Variants in PTPRT observed in about 807,000 individuals in gnomAD.
The protein encoded by PTPRT is receptor-type tyrosine-protein phosphatase T.
Under a neutral mutation model 176.8 loss-of-function variants are expected in PTPRT, and 56 were observed. The ratio of observed to expected loss-of-function variants is 0.32; its 90% CI spans 0.26 to 0.40. PTPRT has a LOEUF of 0.40. Ranked by LOEUF, PTPRT falls within the 10% of genes least tolerant of loss-of-function variation. PTPRT has a pLI of 1.00. For synonymous variants in PTPRT, 783 were observed against 739.0 expected (o/e 1.06, Z -0.96); for missense variants, 1,540 against 1,908.2 (o/e 0.81, Z 3.60).
intron 17 of PTPRT, among the ~76,000 whole-genome samples, chr20:42,160,218 T>C (rs1034090293): frequency 1.3e-5 from 2 of 151,542 alleles, no homozygotes; most frequent in African/African-American, 4.9e-5. Context: ...TCAAAAGATA[T>C]TTTAGGAAAG....
In PTPRT at chr20:42,961,572, G is replaced by A. The variant is rs1018559457; in HGVS notation, c.89-75640C>T. Among the ~76,000 whole-genome samples the A allele has an allele frequency of 2.0e-5, 3 of 152,204 alleles. No individual in the cohort carries two copies. In the East Asian group the frequency reaches 5.8e-4, roughly 29 times the overall value. On this transcript the variant is annotated intron_variant, in intron 1 of 30. Transcript: ENST00000373187. ...ACGCTTCACAGAAATGAGCAAAGAT[G>A]TGGGGTGTGCACTCCTTTAGGGCAG...
Position 42,073,559 on chromosome 20 carries a change from C to T in PTPRT, c.*7320G>A, listed in dbSNP as rs575943923. On this transcript the variant is annotated 3_prime_UTR_variant, in exon 31 of 31. Coordinates refer to ENST00000373187, the MANE Select transcript of PTPRT (RefSeq NM_007050.6). ...CTGGTTCTGGCTGTCACTCATGGCC[C>T]TGTTGGTCAGTGGGTCTGAGTTATG... 1 of 218,232 alleles carries T rather than the reference C, an allele frequency of 4.6e-6. No individual in the cohort carries two copies. The highest frequency in any genetic ancestry group is 6.8e-5 in the East Asian group (1 of 14,758). 13.5% of individuals were successfully genotyped at this position (218,232 alleles called of 1,614,324 possible). A position where few individuals can be genotyped will look rare whatever the true frequency, so the allele number is the denominator to read the frequency against.
At chr20:42,853,892 T>C (rs1042345922) in intron 2 of PTPRT, among the ~76,000 whole-genome samples, 6 of 152,142 alleles carry the variant, frequency 3.9e-5, no homozygotes, top group Admixed American at 2.6e-4. Flanking sequence ...TACAGCAAAG[T>C]TGAGCTGGAT....
intron 7 of PTPRT, among the ~76,000 whole-genome samples, chr20:42,629,514 A>G (rs2074364006): frequency 6.6e-6 from 1 of 152,180 alleles, no homozygotes; most frequent in Non-Finnish European, 1.5e-5. Context: ...GGTGGCAAAC[A>G]CATTTTCCTA....
intron 1 of PTPRT, among the ~76,000 whole-genome samples, chr20:42,918,485 T>C (rs570492034): frequency 1.3e-5 from 2 of 152,238 alleles, no homozygotes; most frequent in Non-Finnish European, 2.9e-5. Flanking sequence ...CTTCACTCCT[T>C]CCCATGGGCC....
At chr20:42,039,312 A>G in the PTPRT span, among the ~76,000 whole-genome samples, 32 of 152,328 alleles carry the variant, frequency 2.1e-4, no homozygotes, top group East Asian at 5.6e-3. Context: ...GCTGATTAAC[A>G]TATGCATTAG....
chr20:42,129,402 GC>G (rs1988020306), intron 18 of PTPRT, among the ~76,000 whole-genome samples: 1 of 152,028 alleles, frequency 6.6e-6, no homozygotes. Flanking sequence ...TATAGAGGAT[GC>G]CTTTTCAAAC....
At position 43,091,459 on chromosome 20, in the gene PTPRT, T is replaced by TCCC. The variant is rs1280138591; in HGVS notation, c.88+98184_88+98186dup. ...CTCTCTGTATTTCTCTCTCTCTCTC[T>TCCC]CCCCCCTCTCTTTCTCTCTCTCTCT... is the stretch of plus-strand genomic sequence containing the variant. On this transcript the variant is annotated intron_variant, in intron 1 of 30. Coordinates refer to ENST00000373187, the MANE Select transcript of PTPRT (RefSeq NM_007050.6). Among the ~76,000 whole-genome samples, 5 of 146,874 alleles carry TCCC rather than the reference T, an allele frequency of 3.4e-5. No homozygotes were observed. The East Asian group carries it at 1.0e-3, about 30-fold the overall frequency.
chr20:42,062,945 G>C, the PTPRT span, among the ~76,000 whole-genome samples: 1 of 152,202 alleles, frequency 6.6e-6, no homozygotes, highest in Non-Finnish European at 1.5e-5. Context: ...GGTTCAGCCA[G>C]CATCCTGGAG....
intron 15 of PTPRT, among the ~76,000 whole-genome samples, chr20:42,216,825 G>T (rs995036863): frequency 2.0e-5 from 3 of 152,086 alleles, no homozygotes; most frequent in African/African-American, 7.2e-5. Flanking sequence ...GCTTTCTTCT[G>T]CAGGTAGTGC....
At chr20:43,138,808 C>G (rs2013914700) in intron 1 of PTPRT, among the ~76,000 whole-genome samples, 1 of 152,152 alleles carries the variant, frequency 6.6e-6, no homozygotes, top group African/African-American at 2.4e-5. Context: ...TGCCACTGAC[C>G]CTGTTCCCAC....
At chr20:42,387,658 C>T (rs1237784351) in intron 9 of PTPRT, among the ~76,000 whole-genome samples, 1 of 152,124 alleles carries the variant, frequency 6.6e-6, no homozygotes, top group East Asian at 1.9e-4. Flanking sequence ...CAAATTTTAG[C>T]TTCTTAATTG....
intron 13 of PTPRT, among the ~76,000 whole-genome samples, chr20:42,280,946 C>T (rs187865368): frequency 7.9e-5 from 12 of 152,248 alleles, no homozygotes; most frequent in Non-Finnish European, 1.2e-4. Context: ...TAGAATCCCA[C>T]CTACCCCATG....
the PTPRT span, among the ~76,000 whole-genome samples, chr20:42,032,695 T>A: frequency 6.6e-6 from 1 of 152,184 alleles, no homozygotes; most frequent in Non-Finnish European, 1.5e-5. Context: ...GGATGCCACT[T>A]CTAAGATTAG....
intron 9 of PTPRT, among the ~76,000 whole-genome samples, chr20:42,434,259 A>G (rs2059241658): frequency 6.6e-6 from 1 of 152,210 alleles, no homozygotes; most frequent in African/African-American, 2.4e-5. Flanking sequence ...TCAAGCCATC[A>G]TAGCGATGTC....
chr20:42,440,723 C>T (rs978622768), intron 9 of PTPRT, among the ~76,000 whole-genome samples: 7 of 152,140 alleles, frequency 4.6e-5, no homozygotes, highest in Admixed American at 1.3e-4. Context: ...ATGATCCGCC[C>T]GCCTTGGCCT....
intron 1 of PTPRT, among the ~76,000 whole-genome samples, chr20:43,080,299 A>G (rs7271977): frequency 0.64 from 97,843 of 152,090 alleles, 32,403 homozygotes; most frequent in East Asian, 0.83. Flanking sequence ...TGGCTCCTGC[A>G]GTGACGACTA....
chr20:42,614,808 G>A (rs1403009573), intron 7 of PTPRT, among the ~76,000 whole-genome samples: 2 of 152,100 alleles, frequency 1.3e-5, no homozygotes, highest in African/African-American at 2.4e-5. Flanking sequence ...GGCTGGGGAG[G>A]CCTCACAATC....
At chr20:42,922,305 T>C (rs1468053584) in intron 1 of PTPRT, among the ~76,000 whole-genome samples, 1 of 152,136 alleles carries the variant, frequency 6.6e-6, no homozygotes, top group Non-Finnish European at 1.5e-5. Context: ...GTGGAGTGCT[T>C]AGGCTCAGTC....
Sources: allele counts gnomAD v4.1 joint callset (sites outside exome capture counted in the v4.1 genomes callset), GRCh38; gene constraint gnomAD v4.1.1; transcripts MANE v1.5; gene names NCBI Gene and HGNC (gene_info 2026-07-23, HGNC 2026-07-21).